Variants in LMBR1 observed in about 807,000 individuals in gnomAD.
LMBR1 encodes the protein limb region 1 protein homolog.
A neutral mutation model predicts 73.9 loss-of-function variants in LMBR1; 52 were observed. That is an observed-to-expected ratio of 0.70 (90% CI 0.56 to 0.89). The LOEUF is 0.89. Ranked by LOEUF, LMBR1 falls within the 40% of genes least tolerant of loss-of-function variation. The probability of loss-of-function intolerance (pLI) is 0.00; values close to 1 mark genes in which losing one functional copy is unlikely to be tolerated. For synonymous variants in LMBR1, 215 were observed against 209.4 expected (o/e 1.03, Z -0.23); for missense variants, 539 against 579.8 (o/e 0.93, Z 0.72).
intron 4 of LMBR1, among the ~76,000 whole-genome samples, chr7:156,815,435 A>G (rs1164704407): frequency 1.3e-5 from 2 of 152,238 alleles, no homozygotes; most frequent in Non-Finnish European, 2.9e-5. Flanking sequence ...AACAATATCA[A>G]TGTAGCACAA....
Position 156,833,843 on chromosome 7 carries a change from G to A in LMBR1, c.140-51C>T, listed in dbSNP as rs776563060. 58 of 1,155,250 alleles carry A rather than the reference G, an allele frequency of 5.0e-5. No individual in the cohort carries two copies. In the Middle Eastern group the frequency reaches 5.9e-4, roughly 12 times the overall value. 71.6% of individuals were successfully genotyped at this position (1,155,250 alleles called of 1,614,324 possible). A position where few individuals can be genotyped will look rare whatever the true frequency, so the allele number is the denominator to read the frequency against. On this transcript the variant is annotated intron_variant, in intron 2 of 16. Coordinates refer to ENST00000353442, the MANE Select transcript of LMBR1 (RefSeq NM_022458.4). ...ATTCCTTTATCTTCTAACAAAATGC[G>A]TCATTAATTTATTAAAACTATAAAC... is the stretch of plus-strand genomic sequence containing the variant.
chr7:156,676,482 C>G (rs766097316), downstream of LMBR1: 7 of 1,613,932 alleles, frequency 4.3e-6, no homozygotes, highest in Admixed American at 8.3e-5. Context: ...TGCTGGCGGT[C>G]AGCGCGTGGG....
downstream of LMBR1, among the ~76,000 whole-genome samples, chr7:156,673,648 A>C (rs1175066272): frequency 6.6e-6 from 1 of 151,894 alleles, no homozygotes; most frequent in Non-Finnish European, 1.5e-5. Context: ...TCAAACCCCA[A>C]CCCTTGTGGA....
intron 15 of LMBR1, among the ~76,000 whole-genome samples, chr7:156,689,684 A>C (rs1806756437): frequency 6.6e-6 from 1 of 152,230 alleles, no homozygotes; most frequent in South Asian, 2.1e-4. Flanking sequence ...AACATACAAT[A>C]AAATAGCTTT....
chr7:156,799,180 C>A (rs1213371079), intron 4 of LMBR1, among the ~76,000 whole-genome samples: 2 of 148,836 alleles, frequency 1.3e-5, no homozygotes, highest in African/African-American at 2.5e-5. Context: ...ACAGCCTGGG[C>A]AACAGAGCGA....
chr7:156,836,669 T>C (rs1169927144), intron 2 of LMBR1, 144 bp downstream of exon 2: 3 of 476,526 alleles, frequency 6.3e-6, no homozygotes, highest in Admixed American at 8.2e-5. Flanking sequence ...TATTTTTAGG[T>C]CTCCTAGTAC....
chr7:156,717,656 C>A (rs187355696), intron 15 of LMBR1, among the ~76,000 whole-genome samples: 1 of 152,270 alleles, frequency 6.6e-6, no homozygotes, highest in East Asian at 1.9e-4. Flanking sequence ...TTCTGTAACT[C>A]TCTTTTGGTT....
intron 15 of LMBR1, among the ~76,000 whole-genome samples, chr7:156,718,262 T>C (rs937966556): frequency 6.6e-6 from 1 of 151,600 alleles, no homozygotes; most frequent in Non-Finnish European, 1.5e-5. Flanking sequence ...TAGCTGGGCA[T>C]GGTGGCAGGC....
At chr7:156,691,192 A>G (rs1376114892) in intron 15 of LMBR1, among the ~76,000 whole-genome samples, 2 of 152,234 alleles carry the variant, frequency 1.3e-5, no homozygotes, top group African/African-American at 4.8e-5. Flanking sequence ...CCCTTAGTCA[A>G]GTATCTAAAT....
chr7:156,844,030 G>T (rs1476289746), intron 1 of LMBR1, among the ~76,000 whole-genome samples: 3 of 151,930 alleles, frequency 2.0e-5, no homozygotes. Flanking sequence ...TGAAATAAAA[G>T]TCATACATTA....
chr7:156,784,796 G>A (rs1000348031), intron 5 of LMBR1, among the ~76,000 whole-genome samples: 4 of 152,152 alleles, frequency 2.6e-5, no homozygotes, highest in African/African-American at 7.2e-5. Flanking sequence ...CTACACAGAT[G>A]TAAAAGGGCC....
chr7:156,684,031 CTG>C lies in LMBR1; in HGVS notation c.*45_*46del. 6.9e-7 allele frequency: 1 copy of C among 1,443,654 alleles called. No individual in the cohort carries two copies. Among genetic ancestry groups the C allele is most frequent in the Non-Finnish European group, 9.7e-7 (1 of 1,027,152 alleles). 89.4% of individuals were successfully genotyped at this position (1,443,654 alleles called of 1,614,324 possible). On this transcript the variant is annotated 3_prime_UTR_variant, in exon 17 of 17. Transcript: ENST00000353442. The stretch of plus-strand genomic sequence containing the variant: ...TACATGGGACAGGAATGTCGTGAAT[CTG>C]GAGTTCTCGGGTCTCTTGGTGGCAG...
At chr7:156,758,496 A>T (rs1822337538) in intron 8 of LMBR1, among the ~76,000 whole-genome samples, 1 of 152,188 alleles carries the variant, frequency 6.6e-6, no homozygotes. Context: ...TGTAGGAAGT[A>T]TTTGGGTCAT....
At chr7:156,871,487 TAAG>T (rs1799282055) in intron 1 of LMBR1, among the ~76,000 whole-genome samples, 1 of 152,032 alleles carries the variant, frequency 6.6e-6, no homozygotes, top group South Asian at 2.1e-4. Context: ...AAAGAAGCCA[TAAG>T]AAGAGAAAAC....
chr7:156,814,043 G>C (rs1326810134), intron 4 of LMBR1, among the ~76,000 whole-genome samples: 1 of 151,988 alleles, frequency 6.6e-6, no homozygotes, highest in Non-Finnish European at 1.5e-5. Flanking sequence ...TCTTATTTTA[G>C]TGCACCAAGA....
At chr7:156,862,496 GAA>G (rs369372865) in intron 1 of LMBR1, among the ~76,000 whole-genome samples, 4 of 112,110 alleles carry the variant, frequency 3.6e-5, no homozygotes, top group Non-Finnish European at 5.6e-5. Context: ...AAATAACATA[GAA>G]AAAAAAAAAA....
intron 15 of LMBR1, among the ~76,000 whole-genome samples, chr7:156,688,700 T>G (rs527386786): frequency 1.3e-5 from 2 of 152,188 alleles, no homozygotes; most frequent in Non-Finnish European, 2.9e-5. Context: ...AGGAAACCTC[T>G]GACTCCCCTA....
intron 15 of LMBR1, among the ~76,000 whole-genome samples, chr7:156,711,179 G>A (rs183385629): frequency 1.1e-4 from 17 of 152,158 alleles, no homozygotes; most frequent in East Asian, 9.7e-4. Flanking sequence ...GTGTGGTGGC[G>A]CACACCTGTG....
In LMBR1 at chr7:156,670,637, G is replaced by A. The variant is rs1365465362; in HGVS notation, n.867-1350C>T. On this transcript the variant is annotated intron_variant and non_coding_transcript_variant, in intron 4 of 4. Transcript: ENST00000430825. This position sits in a 1 kb window ranked among gnomAD's most constrained non-coding sequence, Gnocchi z 4.3. ...GAAGTGGCCAGGAACGAGGACAGAC[G>A]ATGGCAAACCCTGGGACCTGCAGAT... 6.6e-6 allele frequency among the ~76,000 whole-genome samples: 1 copy of A among 152,154 alleles called. No homozygotes were observed. The highest frequency in any genetic ancestry group is 2.4e-5 in the African/African-American group (1 of 41,424).
Sources: gnomAD v4.1 joint callset for allele counts (sites outside exome capture counted in the v4.1 genomes callset) on GRCh38, gnomAD v4.1.1 for gene constraint, Gnocchi (gnomAD v3.1) non-coding constraint, MANE v1.5 for transcripts, NCBI Gene and HGNC (gene_info 2026-07-23, HGNC 2026-07-21) for gene names.